Variants in UTRN observed in about 807,000 individuals in gnomAD.
UTRN encodes dystrophin-related protein 1.
In UTRN, 283 loss-of-function variants were observed where a neutral mutation model predicts 463.9. The ratio of observed to expected loss-of-function variants is 0.61; its 90% confidence interval spans 0.55 to 0.67. UTRN has a LOEUF of 0.67. Ranked by LOEUF, UTRN falls within the 30% of genes least tolerant of loss-of-function variation. UTRN has a pLI of 0.00. For missense variants in UTRN, 3,922 were observed against 4,084.3 expected (o/e 0.96, Z 1.08); for synonymous variants, 1,442 against 1,431.5 (o/e 1.01, Z -0.17).
chr6:144,653,003 TTCTA>T (rs1778975167), intron 51 of UTRN, among the ~76,000 whole-genome samples: 1 of 152,122 alleles, frequency 6.6e-6, no homozygotes, highest in Admixed American at 6.5e-5. Flanking sequence ...CTTGGGTATT[TTCTA>T]TCTAATGATT....
chr6:144,557,152 C>G lies in UTRN; in HGVS notation c.7135-5C>G. 6.2e-7 allele frequency: 1 copy of G among 1,613,034 alleles called. No individual in the cohort carries two copies. On this transcript the variant is annotated splice_polypyrimidine_tract_variant and splice_region_variant and intron_variant, in intron 49 of 74. Coordinates refer to ENST00000367545, the MANE Select transcript of UTRN (RefSeq NM_007124.3). ...CTAACAAACAGACCTGCACTTGCACCTCAGATACTGCTTCAAGAACTGGGT... is the reference window on the plus strand; with the variant it reads ...CTAACAAACAGACCTGCACTTGCACGTCAGATACTGCTTCAAGAACTGGGT...
At chr6:144,583,765 A>C (rs1414885919) in intron 51 of UTRN, among the ~76,000 whole-genome samples, 1 of 152,200 alleles carries the variant, frequency 6.6e-6, no homozygotes, top group Non-Finnish European at 1.5e-5. Flanking sequence ...TTTGTTTAAA[A>C]ATCTAAAACA....
rs140154626 is a variant in UTRN, at chr6:144,319,877, G to T, written c.79+27970G>T. On this transcript the variant is annotated intron_variant, in intron 2 of 74. Transcript: ENST00000367545. ...GTACATTTTTTTTTTTTTTTGAGAC[G>T]GAGTCTTGTTCTGTCACCCAAGCTG... 8.7e-3 allele frequency among the ~76,000 whole-genome samples: 1,253 copies of T among 143,648 alleles called. 73 individuals carry two copies. The East Asian group carries it at 0.17, about 19-fold the overall frequency. The allele number at this position is 143,648 out of a possible 152,430, so 94.2% of individuals were successfully genotyped here.
At chr6:144,621,699 ACT>A (rs1775396763) in intron 51 of UTRN, among the ~76,000 whole-genome samples, 1 of 151,926 alleles carries the variant, frequency 6.6e-6, no homozygotes, top group Non-Finnish European at 1.5e-5. Context: ...CACAAGTCAG[ACT>A]CTCCTTATAC....
At chr6:144,671,541 A>T (rs1781030682) in intron 51 of UTRN, among the ~76,000 whole-genome samples, 1 of 151,830 alleles carries the variant, frequency 6.6e-6, no homozygotes, top group South Asian at 2.1e-4. Context: ...TTTTTGGTTG[A>T]GTCTTTAGGG....
chr6:144,787,601 C>T (rs997906959), intron 61 of UTRN, among the ~76,000 whole-genome samples: 2 of 152,080 alleles, frequency 1.3e-5, no homozygotes, highest in Middle Eastern at 3.4e-3. Flanking sequence ...TCATAATATG[C>T]GTACAGAAAC....
chr6:144,599,465 T>G (rs1157434031), intron 51 of UTRN, among the ~76,000 whole-genome samples: 3 of 151,956 alleles, frequency 2.0e-5, no homozygotes, highest in Non-Finnish European at 4.4e-5. Context: ...CTGAAACTTG[T>G]TTTTTTTAAA....
In UTRN at chr6:144,448,785, G is replaced by T; in HGVS notation, c.2072+16G>T. ...CTAAGAAAAAGTGAGAAGAGATAGAGAAATTGTTCAAATCCAATATTGCAC... is the reference window on the plus strand; with the variant it reads ...CTAAGAAAAAGTGAGAAGAGATAGATAAATTGTTCAAATCCAATATTGCAC... On this transcript the variant is annotated intron_variant, in intron 17 of 74. Transcript: ENST00000367545. 1 of 1,611,038 alleles carries T rather than the reference G, an allele frequency of 6.2e-7. No homozygotes were observed. Among genetic ancestry groups the T allele is most frequent in the Non-Finnish European group, 8.5e-7 (1 of 1,178,560 alleles).
At chr6:144,509,055 T>C (rs1039688954) in intron 34 of UTRN, among the ~76,000 whole-genome samples, 3 of 152,204 alleles carry the variant, frequency 2.0e-5, no homozygotes, top group Non-Finnish European at 4.4e-5. Context: ...TTAGAATTTT[T>C]ATTGTTAAAT....
chr6:144,597,284 T>C (rs1472288910), intron 51 of UTRN, among the ~76,000 whole-genome samples: 2 of 151,768 alleles, frequency 1.3e-5, no homozygotes, highest in Non-Finnish European at 2.9e-5. Flanking sequence ...TAAACATTTA[T>C]TGAGTCTGCA....
intron 63 of UTRN, 198 bp from the exon 64 acceptor site, chr6:144,797,626 A>G (rs1169541390): frequency 1.0e-5 from 5 of 483,476 alleles, no homozygotes; most frequent in Non-Finnish European, 1.7e-5. Context: ...CTATGTGACA[A>G]TTTCTGCTTT....
At chr6:144,573,176 G>A (rs1801116554) in intron 50 of UTRN, among the ~76,000 whole-genome samples, 1 of 152,102 alleles carries the variant, frequency 6.6e-6, no homozygotes, top group South Asian at 2.1e-4. Context: ...TTTGAGAAAT[G>A]TCTGTTGATA....
chr6:144,780,301 G>T (rs1021642556), intron 60 of UTRN, among the ~76,000 whole-genome samples: 1 of 151,824 alleles, frequency 6.6e-6, no homozygotes. Context: ...CATGCTAAAA[G>T]TTAAATATAT....
At chr6:144,733,021 A>T (rs2069712334) in intron 54 of UTRN, among the ~76,000 whole-genome samples, 1 of 152,174 alleles carries the variant, frequency 6.6e-6, no homozygotes, top group Non-Finnish European at 1.5e-5. Context: ...TATTTATTTT[A>T]AAAATCTTTG....
chr6:144,337,219 CAT>C (rs10533269), intron 2 of UTRN, among the ~76,000 whole-genome samples: 8,239 of 148,654 alleles, frequency 0.055, 290 homozygotes, highest in Non-Finnish European at 0.074. Flanking sequence ...CACACACACA[CAT>C]GTGAGAGGAG....
chr6:144,803,939 T>C (rs981119022), intron 65 of UTRN, among the ~76,000 whole-genome samples: 1 of 152,118 alleles, frequency 6.6e-6, no homozygotes, highest in Non-Finnish European at 1.5e-5. Flanking sequence ...CAATTTACAT[T>C]ATTATCACAC....
intron 2 of UTRN, among the ~76,000 whole-genome samples, chr6:144,316,250 G>C (rs151091237): frequency 1.3e-5 from 2 of 152,296 alleles, no homozygotes; most frequent in African/African-American, 4.8e-5. Flanking sequence ...TTCCTATTTG[G>C]ATATGTGTGG....
At chr6:144,348,327 G>A (rs552966185) in intron 2 of UTRN, among the ~76,000 whole-genome samples, 25 of 152,298 alleles carry the variant, frequency 1.6e-4, no homozygotes, top group Admixed American at 4.6e-4. Context: ...GACCTGGAAA[G>A]GATGGTGTGT....
chr6:144,821,012 T>TA lies in UTRN; in HGVS notation c.9489dup (p.Glu3164ArgfsTer15). 1 of 1,612,882 alleles carries TA rather than the reference T, an allele frequency of 6.2e-7. No individual in the cohort carries two copies. On this transcript the variant is annotated frameshift_variant, in exon 66 of 75. Coordinates refer to ENST00000367545, the MANE Select transcript of UTRN (RefSeq NM_007124.3). LOFTEE classifies it high-confidence loss of function. ...CAGACAGTTCTTGAAGGTGACAACT[T>TA]AGAGACGTAAGTTTGATTTTAATAT...
Sources: allele counts gnomAD v4.1 joint callset (sites outside exome capture counted in the v4.1 genomes callset), GRCh38; gene constraint gnomAD v4.1.1; transcripts MANE v1.5; gene names NCBI Gene and HGNC (gene_info 2026-07-23, HGNC 2026-07-21).